The following MYL5 variants were observed in gnomAD, a reference collection of about 807,000 sequenced individuals.
The protein encoded by MYL5 is myosin regulatory light chain 5.
A neutral mutation model predicts 20.8 loss-of-function variants in MYL5; 28 were observed. The observed-to-expected ratio is 1.35, with a 90% CI of 1.00 to 1.84. The LOEUF (loss-of-function observed/expected upper bound fraction) is 1.84. Among genes scored for constraint, MYL5 ranks in the 40% most tolerant of loss-of-function variants. The pLI, the probability that MYL5 is intolerant of heterozygous loss-of-function variation, is 0.00. For synonymous variants in MYL5, 118 were observed against 87.4 expected (o/e 1.35, Z -1.95); for missense variants, 274 against 227.3 (o/e 1.21, Z -1.32).
chr4:677,577 G>C (rs1308703731), upstream of MYL5, among the ~76,000 whole-genome samples: 1 of 152,248 alleles, frequency 6.6e-6, no homozygotes. Context: ...GACAGACAGA[G>C]TGTGCTTGGC....
At chr4:680,578 A>C in exon 5 of MYL5, 1 of 1,613,080 alleles carries the variant, frequency 6.2e-7, no homozygotes, top group Non-Finnish European at 8.5e-7. Flanking sequence ...GGGAAAATCA[A>C]CAAGGAGTAG....
chr4:681,888 C>T lies in MYL5; in HGVS notation c.421-5C>T. On this transcript the variant is annotated splice_region_variant and splice_polypyrimidine_tract_variant and intron_variant, in intron 6 of 6. Transcript: ENST00000400159. ...CGCAAGGAGCCCTTTCGCCCCCGCC[C>T]GCAGGTGGACCAGATGTTCCAGTTC... 1.5e-6 allele frequency: 2 copies of T among 1,314,772 alleles called. No individual in the cohort carries two copies. Among genetic ancestry groups the T allele is most frequent in the Non-Finnish European group, 2.0e-6 (2 of 1,022,548 alleles). 81.4% of individuals were successfully genotyped at this position (1,314,772 alleles called of 1,614,324 possible).
chr4:675,200 A>G (rs761803999), upstream of MYL5: 1 of 152,434 alleles, frequency 6.6e-6, no homozygotes, highest in South Asian at 2.1e-4. Context: ...TGCGGTGCCT[A>G]TGCAGCCTCC....
chr4:680,479 G>A (rs777476925), intron 4 of MYL5, 30 bp from the exon 7 acceptor site: 7 of 1,611,626 alleles, frequency 4.3e-6, no homozygotes, highest in South Asian at 2.2e-5. Flanking sequence ...CCACCCTGAC[G>A]GCCCTGGGCT....
At chr4:679,855 G>C in intron 3 of MYL5, 59 bp from the exon 6 acceptor site, 2 of 1,478,198 alleles carry the variant, frequency 1.4e-6, no homozygotes, top group Non-Finnish European at 1.9e-6. Flanking sequence ...GGGGTCACCT[G>C]CTGGTGGCAC....
intron 1 of MYL5, chr4:678,237 G>A (rs1739053988): frequency 6.7e-6 from 10 of 1,484,842 alleles, no homozygotes; most frequent in Non-Finnish European, 8.1e-6. Context: ...TGTGTTGTGG[G>A]AAGTACGTGC....
chr4:680,669 A>T (rs1739379585), intron 5 of MYL5, 82 bp downstream of exon 7: 1 of 1,394,334 alleles, frequency 7.2e-7, no homozygotes, highest in Non-Finnish European at 1.0e-6. Flanking sequence ...ACAGTCAGCC[A>T]CCAGATGCCA....
At chr4:674,666 G>A (rs1738712017), upstream of MYL5, 1 of 248,198 alleles carries the variant, frequency 4.0e-6, no homozygotes, top group Admixed American at 5.9e-5. Flanking sequence ...TTCTTGCGCG[G>A]AGCGTCGGAG....
At chr4:677,134 C>T (rs1158693216), upstream of MYL5, among the ~76,000 whole-genome samples, 1 of 152,218 alleles carries the variant, frequency 6.6e-6, no homozygotes, top group Admixed American at 6.5e-5. Context: ...GGTCCTGTTA[C>T]CTACTGCGTC....
chr4:681,809 GAAACCACACCCGGGGCCGCTGC>G (rs1277025038), intron 6 of MYL5, 62 bp from the exon 9 acceptor site: 3 of 1,252,246 alleles, frequency 2.4e-6, no homozygotes, highest in Non-Finnish European at 1.0e-6. Context: ...CCGCGGCGCA[GAAACCACACCCGGGGCCGCTGC>G]AGGTGCGCGC....
rs1739731594 is a variant in MYL5, at chr4:681,879, G to A, written c.421-14G>A. 8 of 1,312,058 alleles carry A rather than the reference G, an allele frequency of 6.1e-6. No individual in the cohort carries two copies. The highest frequency in any genetic ancestry group is 3.0e-5 in the African/African-American group (2 of 66,144). 81.3% of individuals were successfully genotyped at this position (1,312,058 alleles called of 1,614,324 possible). A position where few individuals can be genotyped will look rare whatever the true frequency, so the allele number is the denominator to read the frequency against. ...CCCGGAGCCCGCAAGGAGCCCTTTC[G>A]CCCCCGCCCGCAGGTGGACCAGATG... On this transcript the variant is annotated splice_polypyrimidine_tract_variant and intron_variant, in intron 6 of 6. Coordinates refer to ENST00000400159, the Ensembl canonical transcript of MYL5.
rs1419402353 is a variant in MYL5, at chr4:678,284, T to C, written c.3+255T>C. On this transcript the variant is annotated intron_variant, in intron 1 of 6. Coordinates refer to ENST00000400159, the Ensembl canonical transcript of MYL5. The stretch of plus-strand genomic sequence containing the variant: ...CTCCTGGTGAGAGTCCGGAGCAGGA[T>C]GAGGGGGTTCCTGGCTTTCACAAAA... 3 of 1,442,606 alleles carry C rather than the reference T, an allele frequency of 2.1e-6. No individual in the cohort carries two copies. The Admixed American group carries it at 7.3e-5, about 35-fold the overall frequency. The allele number at this position is 1,442,606 out of a possible 1,614,324, so 89.4% of individuals were successfully genotyped here.
chr4:675,013 C>G (rs1738736122), upstream of MYL5: 1 of 152,418 alleles, frequency 6.6e-6, no homozygotes, highest in African/African-American at 2.4e-5. Flanking sequence ...TTGGGAAGAC[C>G]AGCCCCCAAC....
intron 6 of MYL5, among the ~76,000 whole-genome samples, chr4:681,619 C>A (rs1458735755): frequency 1.6e-4 from 17 of 107,768 alleles, no homozygotes; most frequent in African/African-American, 5.1e-4. Flanking sequence ...CCTCCAGCGC[C>A]GCCCCGCCCC....
chr4:678,339 G>C lies in MYL5; in HGVS notation c.3+310G>C, dbSNP rs185345970. On this transcript the variant is annotated intron_variant, in intron 1 of 6. Coordinates refer to ENST00000400159, the Ensembl canonical transcript of MYL5. ...GGTACCCAGAACAAGCCCACCCAGA[G>C]TCCACTTGCCCCTCAAGCCTTCAGA... 8.5e-5 allele frequency: 120 copies of C among 1,417,236 alleles called. No homozygotes were observed. The African/African-American group carries it at 1.6e-3, about 19-fold the overall frequency. 87.8% of individuals were successfully genotyped at this position (1,417,236 alleles called of 1,614,324 possible). A position where few individuals can be genotyped will look rare whatever the true frequency, so the allele number is the denominator to read the frequency against.
exon 7 of MYL5, chr4:681,911 T>G (rs1739742293): frequency 1.5e-6 from 2 of 1,318,720 alleles, no homozygotes; most frequent in Non-Finnish European, 2.0e-6. Context: ...GATGTTCCAG[T>G]TCGCCTCCAT....
At chr4:680,818 ACTC>A (rs1739396062) in intron 5 of MYL5, 1 of 629,824 alleles carries the variant, frequency 1.6e-6, no homozygotes, top group African/African-American at 1.8e-5. Context: ...CCCTCAGCCC[ACTC>A]CTCCATCTTC....
At chr4:677,842 G>C (rs946150504), upstream of MYL5, 2 of 943,752 alleles carry the variant, frequency 2.1e-6, no homozygotes, top group Admixed American at 3.8e-5. Context: ...CAGGGCAAGG[G>C]TGTGAGTCAC....
At chr4:674,573 C>T (rs758925870), upstream of MYL5, 17 of 425,748 alleles carry the variant, frequency 4.0e-5, no homozygotes, top group Non-Finnish European at 5.9e-5. Flanking sequence ...TCCGCTGTTT[C>T]CCCGCGCTGC....
Sources: gnomAD v4.1 joint callset for allele counts (sites outside exome capture counted in the v4.1 genomes callset) on GRCh38, gnomAD v4.1.1 for gene constraint, MANE v1.5 for transcripts, NCBI Gene and HGNC (gene_info 2026-07-23, HGNC 2026-07-21) for gene names.